Variants in ADD3 observed in about 807,000 individuals in gnomAD.
The protein encoded by ADD3 is gamma-adducin.
In ADD3, 25 loss-of-function variants were observed where a neutral mutation model predicts 80.2. The ratio of observed to expected loss-of-function variants is 0.31; its 90% CI spans 0.23 to 0.44. The LOEUF (loss-of-function observed/expected upper bound fraction) is 0.44, where lower values mean the gene tolerates loss of function less well. ADD3 is among the 20% of genes least tolerant of loss of function. The probability of loss-of-function intolerance (pLI) is 1.00; values close to 1 mark genes in which losing one functional copy is unlikely to be tolerated. For synonymous variants in ADD3, 284 were observed against 289.6 expected, an observed-to-expected ratio of 0.98 and a Z score of 0.20; for missense variants, 829 against 847.5, an observed-to-expected ratio of 0.98 and a Z score of 0.27.
Position 110,111,923 on chromosome 10 carries a change from A to G in ADD3, c.196-854A>G, listed in dbSNP as rs527587150. On this transcript the variant is annotated intron_variant, in intron 2 of 14. Transcript: ENST00000356080. ...AGCGAAACTCTGTCTCAAAAAAAAA[A>G]GAAAAAAAAATTGTCATTTACCACA... Among the ~76,000 whole-genome samples, 10 of 151,032 alleles carry G rather than the reference A, an allele frequency of 6.6e-5. No homozygotes were observed. In the South Asian group the frequency reaches 1.9e-3, roughly 28 times the overall value.
chr10:110,031,626 C>A (rs1855033826), intron 1 of ADD3, among the ~76,000 whole-genome samples: 1 of 151,952 alleles, frequency 6.6e-6, no homozygotes, highest in South Asian at 2.1e-4. Flanking sequence ...GTTGACTGAT[C>A]AGTACTTAGG....
chr10:110,067,587 G>T (rs1046541228), intron 1 of ADD3, among the ~76,000 whole-genome samples: 40 of 152,304 alleles, frequency 2.6e-4, no homozygotes, highest in African/African-American at 9.6e-4. Context: ...CAGTCATTGA[G>T]AATTATTTCT....
chr10:110,030,984 A>G (rs957603875), intron 1 of ADD3, among the ~76,000 whole-genome samples: 2 of 151,640 alleles, frequency 1.3e-5, no homozygotes, highest in East Asian at 1.9e-4. Context: ...TGATAAAAAT[A>G]AATTTGTAAG....
At chr10:110,040,111 T>G (rs1363519938) in intron 1 of ADD3, among the ~76,000 whole-genome samples, 1 of 152,198 alleles carries the variant, frequency 6.6e-6, no homozygotes, top group Non-Finnish European at 1.5e-5. Flanking sequence ...ATGGGATGGT[T>G]AGGGACTTCT....
At chr10:110,035,424 G>A (rs1393686457) in intron 1 of ADD3, among the ~76,000 whole-genome samples, 1 of 152,166 alleles carries the variant, frequency 6.6e-6, no homozygotes, top group Non-Finnish European at 1.5e-5. Flanking sequence ...GCTTGGTGAG[G>A]AAGCCTAATG....
chr10:110,087,863 C>T (rs1846991079), intron 1 of ADD3, among the ~76,000 whole-genome samples: 1 of 152,192 alleles, frequency 6.6e-6, no homozygotes, highest in African/African-American at 2.4e-5. Flanking sequence ...CAGATCTATT[C>T]TCTTACAGTT....
rs969534267 is a variant in ADD3, at chr10:110,042,954, C to T, written c.-30+34655C>T. Among the ~76,000 whole-genome samples, 7 of 152,020 alleles carry T rather than the reference C, an allele frequency of 4.6e-5. No individual in the cohort carries two copies. The South Asian group carries it at 6.2e-4, about 14-fold the overall frequency. On this transcript the variant is annotated intron_variant, in intron 1 of 14. Transcript: ENST00000356080. ...TGCATATTTTTCTACTTCAGAGTTT[C>T]GGTGGGTCATATTTAATATTTTTAA...
chr10:110,029,862 G>A (rs1854778706), intron 1 of ADD3, among the ~76,000 whole-genome samples: 1 of 152,142 alleles, frequency 6.6e-6, no homozygotes, highest in South Asian at 2.1e-4. Context: ...TGACAAATCA[G>A]ATATAAAGAA....
intron 1 of ADD3, among the ~76,000 whole-genome samples, chr10:110,080,767 C>T (rs778134646): frequency 3.3e-5 from 5 of 152,208 alleles, no homozygotes; most frequent in Non-Finnish European, 7.3e-5. Flanking sequence ...GCCCTTTAAT[C>T]CATCTCCTTG....
chr10:110,060,212 C>T (rs11194969), intron 1 of ADD3, among the ~76,000 whole-genome samples: 20,700 of 152,224 alleles, frequency 0.14, 4,521 homozygotes, highest in African/African-American at 0.46. Context: ...TGAAAATGTA[C>T]TTGCTTTCCC....
upstream of ADD3, among the ~76,000 whole-genome samples, chr10:110,004,816 A>G (rs1851566459): frequency 6.6e-6 from 1 of 152,006 alleles, no homozygotes; most frequent in Admixed American, 6.5e-5. Flanking sequence ...AAAAAAACAT[A>G]ACTGGTAAGT....
intron 1 of ADD3, among the ~76,000 whole-genome samples, chr10:109,996,907 C>T (rs187212652): frequency 2.6e-5 from 4 of 152,342 alleles, no homozygotes; most frequent in Admixed American, 2.0e-4. Context: ...CATACATTTA[C>T]ACTTTAGTGA....
At position 110,124,159 on chromosome 10, in the gene ADD3, C is replaced by T. The variant is rs1590228118; in HGVS notation, c.1286C>T (p.Ala429Val). The change falls in exon 10 of 15, where the codon GCA (alanine) becomes GTA (valine). Residue 429 changes from alanine to valine, a missense_variant. Ala to Val is a moderately conservative substitution (Grantham distance 64, BLOSUM62 0). Transcript: ENST00000356080. Reference protein sequence around the residue: ...TVPLSPLKYMAQRQQREKTRW... With the variant: ...TVPLSPLKYMVQRQQREKTRW... ...CCACTCTCTCCTCTCAAATACATGG[C>T]ACAGAGGCAACAGCGTGAAAAAACA... 6.2e-7 allele frequency: 1 copy of T among 1,614,128 alleles called. No homozygotes were observed. Among genetic ancestry groups the T allele is most frequent in the Non-Finnish European group, 8.5e-7 (1 of 1,180,018 alleles).
intron 1 of ADD3, among the ~76,000 whole-genome samples, chr10:110,071,027 A>T (rs1564925874): frequency 6.7e-6 from 1 of 148,964 alleles, no homozygotes; most frequent in Non-Finnish European, 1.5e-5. Flanking sequence ...CCTATCCAAC[A>T]GCAGTGTTTG....
chr10:110,042,120 A>C (rs1190375670), intron 1 of ADD3, among the ~76,000 whole-genome samples: 1 of 151,976 alleles, frequency 6.6e-6, no homozygotes, highest in Non-Finnish European at 1.5e-5. Flanking sequence ...CTTTGTGATT[A>C]GATCTTTGTA....
Position 110,133,455 on chromosome 10 carries a change from C to A in ADD3, c.1958C>A (p.Thr653Lys), listed in dbSNP as rs563218841. The A allele has an allele frequency of 3.7e-6, 6 of 1,613,812 alleles. No individual in the cohort carries two copies. In the South Asian group the frequency reaches 5.5e-5, roughly 15 times the overall value. Residue 653 changes from threonine (T) to lysine (K), a missense_variant, in exon 15 of 15, where the codon ACA becomes AAA. Thr to Lys is a moderately conservative substitution (Grantham distance 78, BLOSUM62 -1). Transcript: ENST00000356080. ...CGAGTGAGTAGGTTAAGCACAAGTA[C>A]AACCATAGAAAACATCGAGATTACT... Reference protein sequence around the residue: ...AKRVSRLSTSTTIENIEITIK... With the variant: ...AKRVSRLSTSKTIENIEITIK...
intron 1 of ADD3, among the ~76,000 whole-genome samples, chr10:110,080,358 T>C (rs1388168594): frequency 6.6e-6 from 1 of 152,212 alleles, no homozygotes; most frequent in Non-Finnish European, 1.5e-5. Context: ...TGTTGGAATA[T>C]TGATTTAAAC....
At chr10:110,132,980 G>A (rs1004093840) in intron 14 of ADD3, among the ~76,000 whole-genome samples, 3 of 148,816 alleles carry the variant, frequency 2.0e-5, no homozygotes, top group African/African-American at 7.4e-5. Context: ...CCAATCAGCA[G>A]CATGAAATCT....
chr10:110,003,371 T>C (rs899682907), upstream of ADD3, among the ~76,000 whole-genome samples: 12 of 150,998 alleles, frequency 7.9e-5, no homozygotes, highest in African/African-American at 2.9e-4. Context: ...ACCTGTTTGC[T>C]TTCTGAAACA....
Sources: gnomAD v4.1 joint callset for allele counts (sites outside exome capture counted in the v4.1 genomes callset) on GRCh38, gnomAD v4.1.1 for gene constraint, MANE v1.5 for transcripts, NCBI Gene and HGNC (gene_info 2026-07-23, HGNC 2026-07-21) for gene names.